Variants in ARHGAP21 observed in about 807,000 individuals in gnomAD.
The protein encoded by ARHGAP21 is rho GTPase-activating protein 21.
ARHGAP21 carries 38 observed loss-of-function variants against 164.6 expected under a neutral mutation model. The observed-to-expected ratio is 0.23, with a 90% CI of 0.18 to 0.30. ARHGAP21 has a LOEUF of 0.30. ARHGAP21 is among the 10% of genes least tolerant of loss of function. The pLI, the probability that ARHGAP21 is intolerant of heterozygous loss-of-function variation, is 1.00. For synonymous variants in ARHGAP21, 766 were observed against 857.9 expected, an observed-to-expected ratio of 0.89 and a Z score of 1.87; for missense variants, 1,822 against 2,370.7, an observed-to-expected ratio of 0.77 and a Z score of 4.81.
intron 25 of ARHGAP21, among the ~76,000 whole-genome samples, chr10:24,586,678 A>C (rs1444652310): frequency 6.6e-6 from 1 of 152,222 alleles, no homozygotes; most frequent in Admixed American, 6.5e-5. Flanking sequence ...TTCAGGCAGG[A>C]TCTTCAAGGA....
At chr10:24,702,127 C>CTTT (rs71798625) in intron 2 of ARHGAP21, among the ~76,000 whole-genome samples, 2,500 of 104,524 alleles carry the variant, frequency 0.024, 77 homozygotes, top group African/African-American at 0.028. Flanking sequence ...ACTTCCGGTT[C>CTTT]TTTTTTTTTT....
intron 18 of ARHGAP21, 40 bp downstream of exon 18, chr10:24,595,848 G>C: frequency 1.3e-6 from 2 of 1,588,024 alleles, no homozygotes; most frequent in Non-Finnish European, 1.7e-6. Flanking sequence ...CCACCAAAGG[G>C]GGAAAAAAAA....
chr10:24,599,410 A>G (rs936995668), intron 14 of ARHGAP21, among the ~76,000 whole-genome samples: 18 of 152,232 alleles, frequency 1.2e-4, no homozygotes, highest in Non-Finnish European at 2.1e-4. Flanking sequence ...GCACTGATAA[A>G]GATCTGGTGT....
chr10:24,654,836 G>C (rs1430824892), intron 4 of ARHGAP21, among the ~76,000 whole-genome samples: 2 of 152,000 alleles, frequency 1.3e-5, no homozygotes, highest in Non-Finnish European at 2.9e-5. Context: ...AAAAGAACAA[G>C]GCTGGAGGCA....
At chr10:24,670,434 C>A in intron 2 of ARHGAP21, 37 bp from the exon 3 acceptor site, 1 of 1,408,866 alleles carries the variant, frequency 7.1e-7, no homozygotes, top group Admixed American at 2.2e-5. Context: ...AACTACATAA[C>A]ACAATATACT....
chr10:24,684,935 G>A (rs975805755), intron 2 of ARHGAP21, among the ~76,000 whole-genome samples: 4 of 152,110 alleles, frequency 2.6e-5, no homozygotes, highest in Admixed American at 2.0e-4. Flanking sequence ...CACCGCGCCC[G>A]GCCTAGGAAT....
chr10:24,656,335 G>A (rs1320186829), intron 4 of ARHGAP21, among the ~76,000 whole-genome samples: 2 of 104,516 alleles, frequency 1.9e-5, no homozygotes, highest in East Asian at 3.4e-4. Context: ...GTCCGGGAGG[G>A]AGATGGGGGG....
At chr10:24,598,390 CA>C (rs1564976139) in intron 14 of ARHGAP21, among the ~76,000 whole-genome samples, 1 of 151,994 alleles carries the variant, frequency 6.6e-6, no homozygotes, top group East Asian at 1.9e-4. Context: ...GATTTTTCTT[CA>C]AAAAGAAAAA....
intron 2 of ARHGAP21, among the ~76,000 whole-genome samples, chr10:24,711,582 C>T (rs1844826489): frequency 6.6e-6 from 1 of 152,092 alleles, no homozygotes; most frequent in African/African-American, 2.4e-5. Context: ...CCTGAATTCC[C>T]TTCTCCCCTC....
At chr10:24,610,485 T>C (rs1036694220) in intron 9 of ARHGAP21, among the ~76,000 whole-genome samples, 1 of 152,066 alleles carries the variant, frequency 6.6e-6, no homozygotes. Context: ...AAATTCAATG[T>C]GGCTACTGTT....
At chr10:24,607,071 C>T (rs905927514) in intron 11 of ARHGAP21, among the ~76,000 whole-genome samples, 3 of 152,114 alleles carry the variant, frequency 2.0e-5, no homozygotes, top group African/African-American at 7.2e-5. Context: ...CATGAAACAG[C>T]ATGAGCCAGG....
chr10:24,606,938 T>C (rs1448222198), intron 11 of ARHGAP21, among the ~76,000 whole-genome samples: 1 of 152,250 alleles, frequency 6.6e-6, no homozygotes, highest in Non-Finnish European at 1.5e-5. Context: ...AACCGAACTC[T>C]GTACAATATA....
chr10:24,689,563 A>G (rs1270251419), intron 2 of ARHGAP21, among the ~76,000 whole-genome samples: 1 of 152,040 alleles, frequency 6.6e-6, no homozygotes, highest in African/African-American at 2.4e-5. Context: ...AATATGGCAA[A>G]ACCCCATCTC....
At position 24,621,142 on chromosome 10, in the gene ARHGAP21, A is replaced by C; in HGVS notation, c.753T>G (p.Pro251=). 6.2e-7 allele frequency: 1 copy of C among 1,613,512 alleles called. No individual in the cohort carries two copies. Among genetic ancestry groups the C allele is most frequent in the Non-Finnish European group, 8.5e-7 (1 of 1,179,496 alleles). Reference sequence around the variant, plus strand: ...ATTTTGCAACATCTGTTGGTGATGGAGGCACTTGTATTTCCATTCTATAGG... The same window carrying C: ...ATTTTGCAACATCTGTTGGTGATGGCGGCACTTGTATTTCCATTCTATAGG... ...GRAYRMEIQV[P]PSPTDVAKSN... Residue 251 remains proline (P), a synonymous_variant, in exon 9 of 26, where the codon CCT becomes CCG. Coordinates refer to ENST00000396432, the MANE Select transcript of ARHGAP21 (RefSeq NM_020824.4).
chr10:24,642,790 C>T (rs561729234), intron 4 of ARHGAP21, among the ~76,000 whole-genome samples: 9 of 152,314 alleles, frequency 5.9e-5, no homozygotes, highest in Admixed American at 3.9e-4. Context: ...AGTGCAACTG[C>T]TCTACCTATG....
chr10:24,672,811 CAT>C (rs1237030325), intron 2 of ARHGAP21, among the ~76,000 whole-genome samples: 1 of 151,464 alleles, frequency 6.6e-6, no homozygotes, highest in African/African-American at 2.4e-5. Context: ...TAGGGGTGGC[CAT>C]ATGATTGAGT....
intron 7 of ARHGAP21, among the ~76,000 whole-genome samples, chr10:24,628,412 G>A (rs7906655): frequency 0.51 from 76,833 of 151,586 alleles, 19,561 homozygotes; most frequent in Middle Eastern, 0.56. Flanking sequence ...CTTTAGGATC[G>A]GCTTTAGTGA....
At chr10:24,674,036 T>C (rs963785402) in intron 2 of ARHGAP21, among the ~76,000 whole-genome samples, 3 of 152,078 alleles carry the variant, frequency 2.0e-5, no homozygotes, top group Admixed American at 6.5e-5. Context: ...TAGAAGAACA[T>C]ACAATGAATT....
chr10:24,612,580 T>C (rs769527208), intron 9 of ARHGAP21, among the ~76,000 whole-genome samples: 24 of 152,204 alleles, frequency 1.6e-4, no homozygotes, highest in East Asian at 5.8e-4. Flanking sequence ...TCAGGCCAGG[T>C]GTGGTGGCTC....
Sources: gnomAD v4.1 joint callset for allele counts (sites outside exome capture counted in the v4.1 genomes callset) on GRCh38, gnomAD v4.1.1 for gene constraint, MANE v1.5 for transcripts, NCBI Gene and HGNC (gene_info 2026-07-23, HGNC 2026-07-21) for gene names.